FMN1: variants seen among roughly 807,000 people sequenced by gnomAD.
FMN1 encodes formin 1, also known as formin-1.
FMN1 carries 110 observed loss-of-function variants against 132.4 expected under a neutral mutation model. That is an observed-to-expected ratio of 0.83 (90% CI 0.71 to 0.97). FMN1 has a LOEUF of 0.97. FMN1 is among the 50% of genes least tolerant of loss of function. FMN1 has a pLI of 0.00. For synonymous variants in FMN1, 722 were observed against 651.7 expected, an observed-to-expected ratio of 1.11 and a Z score of -1.64; for missense variants, 1,792 against 1,705.3, an observed-to-expected ratio of 1.05 and a Z score of -0.90.
intron 5 of FMN1, chr15:33,068,198 G>C (rs1327239902): frequency 3.4e-6 from 1 of 290,402 alleles, no homozygotes; most frequent in East Asian, 8.0e-5. Context: ...TTATTCCCGG[G>C]GACAAAAGCC....
At chr15:33,068,470 T>C (rs2037850987) in intron 5 of FMN1, among the ~76,000 whole-genome samples, 1 of 152,162 alleles carries the variant, frequency 6.6e-6, no homozygotes, top group South Asian at 2.1e-4. Context: ...ATCTGGATTA[T>C]GATCAGAGAG....
At chr15:32,928,152 T>C (rs2061010181) in intron 9 of FMN1, among the ~76,000 whole-genome samples, 1 of 152,138 alleles carries the variant, frequency 6.6e-6, no homozygotes. Context: ...ACCTAAAAGA[T>C]AGTAAATACT....
chr15:32,881,692 C>T (rs2059774178), intron 16 of FMN1, among the ~76,000 whole-genome samples: 1 of 152,138 alleles, frequency 6.6e-6, no homozygotes. Flanking sequence ...AGCATTTAAA[C>T]TCTCATGGAG....
intron 20 of FMN1, 148 bp downstream of exon 20, chr15:32,776,687 C>CTTCT (rs760790135): frequency 2.3e-4 from 104 of 454,230 alleles, no homozygotes; most frequent in African/African-American, 5.2e-4. Context: ...CCCACACATA[C>CTTCT]TTTTTTTTTT....
intron 7 of FMN1, among the ~76,000 whole-genome samples, chr15:32,985,862 A>G (rs771329425): frequency 5.3e-5 from 8 of 152,136 alleles, no homozygotes; most frequent in Non-Finnish European, 1.2e-4. Context: ...TATTGCCATA[A>G]CTGTGAATGC....
At chr15:32,891,757 C>A (rs1007707780) in intron 15 of FMN1, among the ~76,000 whole-genome samples, 1 of 151,924 alleles carries the variant, frequency 6.6e-6, no homozygotes, top group Non-Finnish European at 1.5e-5. Flanking sequence ...TTGTGGAGGT[C>A]TTTTGACTCC....
intron 3 of FMN1, among the ~76,000 whole-genome samples, chr15:33,177,790 A>G (rs1188728679): frequency 6.6e-6 from 1 of 152,188 alleles, no homozygotes; most frequent in Non-Finnish European, 1.5e-5. Context: ...GGATCACATG[A>G]GGTCAGGAGT....
At chr15:33,042,144 G>A (rs1015779506) in intron 6 of FMN1, among the ~76,000 whole-genome samples, 6 of 151,992 alleles carry the variant, frequency 3.9e-5, no homozygotes, top group African/African-American at 1.4e-4. Context: ...TAAAACCAAT[G>A]AGAAAAAATA....
chr15:33,036,097 T>C (rs1395445003), intron 6 of FMN1, among the ~76,000 whole-genome samples: 1 of 152,208 alleles, frequency 6.6e-6, no homozygotes, highest in Non-Finnish European at 1.5e-5. Context: ...CTGCATGGAA[T>C]AAATCTCTTT....
At chr15:33,048,760 A>T (rs1335868556) in intron 6 of FMN1, among the ~76,000 whole-genome samples, 1 of 152,048 alleles carries the variant, frequency 6.6e-6, no homozygotes, top group Admixed American at 6.6e-5. Flanking sequence ...AGGCAAAGAG[A>T]GAGTTTGTGC....
At chr15:33,103,300 A>T (rs549365063) in intron 4 of FMN1, among the ~76,000 whole-genome samples, 1 of 152,096 alleles carries the variant, frequency 6.6e-6, no homozygotes, top group Non-Finnish European at 1.5e-5. Context: ...AGACCTTGGC[A>T]ATTTGTTTAA....
chr15:33,076,935 C>T (rs781689879), intron 5 of FMN1, among the ~76,000 whole-genome samples: 6 of 152,128 alleles, frequency 3.9e-5, no homozygotes, highest in Non-Finnish European at 5.9e-5. Context: ...CTAATACCCA[C>T]ATGATTAATT....
chr15:33,124,448 C>A (rs955276863), intron 4 of FMN1, among the ~76,000 whole-genome samples: 4 of 152,116 alleles, frequency 2.6e-5, no homozygotes, highest in Admixed American at 2.0e-4. Flanking sequence ...CCCTGCCATT[C>A]AGCAGAGGCG....
chr15:32,931,579 GTTC>G (rs1430845954), intron 9 of FMN1, among the ~76,000 whole-genome samples: 1 of 152,096 alleles, frequency 6.6e-6, no homozygotes. Context: ...GTTTTTCATA[GTTC>G]TTCACAGTTT....
chr15:33,034,023 C>G (rs568648477), intron 6 of FMN1, among the ~76,000 whole-genome samples: 8 of 152,204 alleles, frequency 5.3e-5, no homozygotes, highest in South Asian at 2.1e-4. Context: ...AGTCCTGGTT[C>G]TTCTTCTCCT....
At chr15:33,125,030 C>T (rs568519758) in intron 4 of FMN1, among the ~76,000 whole-genome samples, 3 of 150,700 alleles carry the variant, frequency 2.0e-5, no homozygotes, top group African/African-American at 7.5e-5. Flanking sequence ...TCCATGTCTA[C>T]TCTATCATGG....
In FMN1 at chr15:32,785,226, T is replaced by A. The variant is rs1263615231; in HGVS notation, c.4131-8307A>T. On this transcript the variant is annotated intron_variant, in intron 19 of 20. Coordinates refer to ENST00000616417, the MANE Select transcript of FMN1 (RefSeq NM_001277313.2). ...TATATATATATATATATATTTTTTT[T>A]TTTTTTTTTTTGTAGAGATGAGGTT... 4.5e-3 allele frequency among the ~76,000 whole-genome samples: 452 copies of A among 100,644 alleles called. 53 individuals are homozygous for A. Among genetic ancestry groups the A allele is most frequent in the Non-Finnish European group, 6.9e-3 (338 of 48,854 alleles). The allele number at this position is 100,644 out of a possible 152,430, so 66.0% of individuals were successfully genotyped here. A position where few individuals can be genotyped will look rare whatever the true frequency, so the allele number is the denominator to read the frequency against.
chr15:32,903,712 A>G (rs559420697), intron 12 of FMN1, among the ~76,000 whole-genome samples: 2 of 152,358 alleles, frequency 1.3e-5, no homozygotes, highest in South Asian at 2.1e-4. Context: ...ATAGTTACCT[A>G]TAACTAATCT....
chr15:32,992,839 G>C (rs546178488), intron 7 of FMN1, among the ~76,000 whole-genome samples: 26 of 152,162 alleles, frequency 1.7e-4, no homozygotes, highest in African/African-American at 6.3e-4. Flanking sequence ...TCATTTTTAC[G>C]GAGTAAAATA....
Sources: gnomAD v4.1 joint callset for allele counts (sites outside exome capture counted in the v4.1 genomes callset) on GRCh38, gnomAD v4.1.1 for gene constraint, MANE v1.5 for transcripts, NCBI Gene and HGNC (gene_info 2026-07-23, HGNC 2026-07-21) for gene names.